The following RASA3 variants were observed in gnomAD, a reference collection of about 807,000 sequenced individuals.
The protein encoded by RASA3 is ras GTPase-activating protein 3.
In RASA3, 73 loss-of-function variants were observed where a neutral mutation model predicts 110.0. The observed-to-expected ratio is 0.66, with a 90% CI of 0.55 to 0.81. The LOEUF (loss-of-function observed/expected upper bound fraction) is 0.81, where lower values mean the gene tolerates loss of function less well. Ranked by LOEUF, RASA3 falls within the 30% of genes least tolerant of loss-of-function variation. RASA3 has a pLI of 0.00. For synonymous variants in RASA3, 500 were observed against 451.4 expected, an observed-to-expected ratio of 1.11 and a Z score of -1.37; for missense variants, 976 against 1,113.2, an observed-to-expected ratio of 0.88 and a Z score of 1.75.
At chr13:114,040,597 GCGCT>G (rs1566515039) in intron 4 of RASA3, among the ~76,000 whole-genome samples, 32 of 122,936 alleles carry the variant, frequency 2.6e-4, no homozygotes, top group Middle Eastern at 6.3e-3. Context: ...GGCGGAGCCC[GCGCT>G]CACTCCGAGC....
intron 1 of RASA3, among the ~76,000 whole-genome samples, chr13:114,095,169 A>G (rs1195908152): frequency 1.3e-5 from 2 of 152,262 alleles, no homozygotes; most frequent in Non-Finnish European, 2.9e-5. Context: ...GGGTTTTCAA[A>G]TAATGACTTG....
chr13:114,079,930 A>C (rs2079754556), intron 1 of RASA3, among the ~76,000 whole-genome samples: 1 of 151,988 alleles, frequency 6.6e-6, no homozygotes, highest in African/African-American at 2.4e-5. Context: ...GGGGGCCCCG[A>C]GGCAGGGGAC....
chr13:114,093,612 G>A (rs985915293), intron 1 of RASA3, among the ~76,000 whole-genome samples: 2 of 151,526 alleles, frequency 1.3e-5, no homozygotes, highest in African/African-American at 4.8e-5. Flanking sequence ...AGGTTGGAAA[G>A]TTTGCTGTTA....
chr13:114,004,882 C>T (rs1039576776), intron 18 of RASA3, among the ~76,000 whole-genome samples: 10 of 152,194 alleles, frequency 6.6e-5, no homozygotes, highest in Admixed American at 3.9e-4. Context: ...TGTCCACCAA[C>T]GGACGACTGG....
chr13:114,027,536 T>C, intron 6 of RASA3, 75 bp from the exon 7 acceptor site: 1 of 1,131,628 alleles, frequency 8.8e-7, no homozygotes, highest in African/African-American at 1.6e-5. Flanking sequence ...AAAACCGAGC[T>C]CTCAAATGCA....
intron 4 of RASA3, among the ~76,000 whole-genome samples, chr13:114,031,031 G>A (rs1279890309): frequency 6.6e-6 from 1 of 151,990 alleles, no homozygotes; most frequent in Admixed American, 6.5e-5. Flanking sequence ...GTGCAACTGT[G>A]TGTCCATCTG....
At chr13:114,023,700 G>A (rs1030201713) in intron 8 of RASA3, among the ~76,000 whole-genome samples, 6 of 152,350 alleles carry the variant, frequency 3.9e-5, no homozygotes, top group Admixed American at 1.3e-4. Flanking sequence ...CGATTTCCCC[G>A]TTTCCCGTGG....
intron 1 of RASA3, among the ~76,000 whole-genome samples, chr13:114,074,087 C>G (rs2079626810): frequency 6.6e-6 from 1 of 152,230 alleles, no homozygotes; most frequent in African/African-American, 2.4e-5. Flanking sequence ...CTCAGGATTG[C>G]TGTGTCTTGT....
At chr13:114,109,633 G>A (rs1372105508) in intron 1 of RASA3, among the ~76,000 whole-genome samples, 3 of 152,162 alleles carry the variant, frequency 2.0e-5, no homozygotes, top group African/African-American at 4.8e-5. Context: ...CAACATAAAC[G>A]TCAAAGCAAA....
At chr13:114,098,505 G>A (rs896424644) in intron 1 of RASA3, among the ~76,000 whole-genome samples, 19 of 152,146 alleles carry the variant, frequency 1.2e-4, no homozygotes, top group Admixed American at 9.8e-4. Context: ...GTGAACAGGC[G>A]AAAGTGCAGC....
chr13:113,997,477 GCAAAGGGTGT>G (rs1304144821), intron 20 of RASA3, among the ~76,000 whole-genome samples: 1 of 152,036 alleles, frequency 6.6e-6, no homozygotes, highest in African/African-American at 2.4e-5. Flanking sequence ...GGGGGTGGGG[GCAAAGGGTGT>G]CAAAGGCAGA....
rs71449064 is a variant in RASA3, at chr13:114,073,343, T to C, written c.173+377A>G. 1.6e-3 allele frequency among the ~76,000 whole-genome samples: 161 copies of C among 98,228 alleles called. 2 individuals carry two copies. The highest frequency in any genetic ancestry group is 0.011 in the Middle Eastern group (1 of 92). The allele number at this position is 98,228 out of a possible 152,430, so 64.4% of individuals were successfully genotyped here. On this transcript the variant is annotated intron_variant, in intron 2 of 23. Transcript: ENST00000334062. ...TGGGAAAATGGGACGGTGATGTACATGCTTGGGACACTGTCTACACACAGA... is the reference window on the plus strand; with the variant it reads ...TGGGAAAATGGGACGGTGATGTACACGCTTGGGACACTGTCTACACACAGA...
chr13:114,125,275 C>A (rs1056152055), intron 1 of RASA3, among the ~76,000 whole-genome samples: 1 of 152,126 alleles, frequency 6.6e-6, no homozygotes, highest in African/African-American at 2.4e-5. Context: ...TAAAGAAACA[C>A]CTGAGACTGG....
At chr13:114,052,547 A>C (rs1485049856) in intron 2 of RASA3, among the ~76,000 whole-genome samples, 1 of 152,212 alleles carries the variant, frequency 6.6e-6, no homozygotes, top group East Asian at 1.9e-4. Context: ...ATTAAACATA[A>C]AACACAGCAC....
At chr13:114,009,300 G>C in intron 17 of RASA3, 87 bp downstream of exon 17, 1 of 1,087,138 alleles carries the variant, frequency 9.2e-7, no homozygotes, top group South Asian at 1.3e-5. Context: ...CCAAGTCTGT[G>C]TCATGTGGGT....
At chr13:114,034,151 T>G (rs1024896058) in intron 4 of RASA3, among the ~76,000 whole-genome samples, 3 of 151,928 alleles carry the variant, frequency 2.0e-5, no homozygotes, top group Admixed American at 2.0e-4. Context: ...AGCCGGGCAC[T>G]GGGCCTGCTA....
intron 22 of RASA3, among the ~76,000 whole-genome samples, chr13:113,989,465 A>G (rs2053053958): frequency 9.4e-6 from 1 of 106,488 alleles, no homozygotes; most frequent in African/African-American, 3.7e-5. Flanking sequence ...TCACTCACCC[A>G]TCTGTCCATC....
intron 1 of RASA3, among the ~76,000 whole-genome samples, chr13:114,101,041 G>A (rs2080053935): frequency 6.6e-6 from 1 of 152,178 alleles, no homozygotes; most frequent in Non-Finnish European, 1.5e-5. Context: ...ACACACCTGG[G>A]GGCCTGAGGA....
At chr13:114,124,080 C>T (rs902342206) in intron 1 of RASA3, among the ~76,000 whole-genome samples, 6 of 152,190 alleles carry the variant, frequency 3.9e-5, no homozygotes, top group Admixed American at 6.5e-5. Flanking sequence ...AAGCCCGGCA[C>T]GGTGTCTCTC....
Sources: allele counts gnomAD v4.1 joint callset (sites outside exome capture counted in the v4.1 genomes callset), GRCh38; gene constraint gnomAD v4.1.1; transcripts MANE v1.5; gene names NCBI Gene and HGNC (gene_info 2026-07-23, HGNC 2026-07-21).